The following EVI5 variants were observed in gnomAD, a reference collection of about 807,000 sequenced individuals.
EVI5 encodes ecotropic viral integration site 5, also known as ecotropic viral integration site 5 protein homolog.
In EVI5, 73 loss-of-function variants were observed where a neutral mutation model predicts 112.0. The observed-to-expected ratio is 0.65, with a 90% CI of 0.54 to 0.79. EVI5 has a LOEUF of 0.79. Among genes scored for constraint, EVI5 ranks in the 30% least tolerant of loss-of-function variants. The pLI, the probability that EVI5 is intolerant of heterozygous loss-of-function variation, is 0.00. For missense variants in EVI5, 900 were observed against 968.8 expected (o/e 0.93, Z 0.94); for synonymous variants, 305 against 319.9 (o/e 0.95, Z 0.50).
intron 16 of EVI5, among the ~76,000 whole-genome samples, chr1:92,619,220 C>T (rs1571920279): frequency 2.0e-5 from 3 of 152,166 alleles, no homozygotes; most frequent in Non-Finnish European, 4.4e-5. Flanking sequence ...CTGATGGGCA[C>T]AATCTAATCA....
chr1:92,608,645 A>G (rs1259846193), intron 16 of EVI5, among the ~76,000 whole-genome samples: 1 of 152,044 alleles, frequency 6.6e-6, no homozygotes, highest in African/African-American at 2.4e-5. Flanking sequence ...CAGAGGTTGC[A>G]GTGAGCTGAG....
intron 1 of EVI5, chr1:92,756,010 C>T (rs2102956617): frequency 4.8e-6 from 1 of 208,562 alleles, no homozygotes; most frequent in East Asian, 1.2e-4. Flanking sequence ...TTTACTAGAA[C>T]TATTTATGGA....
intron 18 of EVI5, among the ~76,000 whole-genome samples, chr1:92,568,175 C>T (rs747975884): frequency 3.9e-5 from 6 of 151,922 alleles, no homozygotes; most frequent in Non-Finnish European, 8.8e-5. Flanking sequence ...GAGTTCAAAA[C>T]CAGCCTGGGC....
At chr1:92,783,371 C>CG (rs767775200) in intron 1 of EVI5, among the ~76,000 whole-genome samples, 6 of 136,366 alleles carry the variant, frequency 4.4e-5, no homozygotes, top group Admixed American at 1.5e-4. Context: ...ACTAAAAATA[C>CG]AAAAAAAAAA....
In EVI5 at chr1:92,513,653, T is replaced by A; in HGVS notation, c.*3A>T. ...AAATCCATAGTCTAGGTCACAGTGA[T>A]GGTCAGACAGTGGTTGAATACGACT... is the stretch of plus-strand genomic sequence containing the variant. On this transcript the variant is annotated 3_prime_UTR_variant, in exon 20 of 20. Transcript: ENST00000684568. 6.3e-7 allele frequency: 1 copy of A among 1,589,000 alleles called. No homozygotes were observed. The highest frequency in any genetic ancestry group is 8.6e-7 in the Non-Finnish European group (1 of 1,165,218).
At chr1:92,741,066 C>T (rs1342075563) in intron 1 of EVI5, among the ~76,000 whole-genome samples, 2 of 152,184 alleles carry the variant, frequency 1.3e-5, no homozygotes, top group Non-Finnish European at 2.9e-5. Flanking sequence ...GCATTTAAAT[C>T]GCACCAGGTA....
chr1:92,750,796 T>C (rs947507327), intron 1 of EVI5, among the ~76,000 whole-genome samples: 3 of 152,200 alleles, frequency 2.0e-5, no homozygotes, highest in Non-Finnish European at 2.9e-5. Context: ...ATCCATATCA[T>C]CAACCTTGCC....
At chr1:92,526,493 T>C (rs1053373373) in intron 19 of EVI5, among the ~76,000 whole-genome samples, 5 of 152,222 alleles carry the variant, frequency 3.3e-5, no homozygotes, top group East Asian at 3.8e-4. Context: ...AGCAGTTTAA[T>C]GAAGAGCTGT....
At chr1:92,547,831 G>A (rs1666040207) in intron 19 of EVI5, among the ~76,000 whole-genome samples, 1 of 152,122 alleles carries the variant, frequency 6.6e-6, no homozygotes, top group African/African-American at 2.4e-5. Context: ...CCAATAACAG[G>A]CTCTGAAATT....
At chr1:92,582,893 A>C (rs1185430243) in intron 18 of EVI5, among the ~76,000 whole-genome samples, 1 of 152,190 alleles carries the variant, frequency 6.6e-6, no homozygotes, top group African/African-American at 2.4e-5. Flanking sequence ...GCCCTTTACT[A>C]TCTCCTGAAG....
intron 13 of EVI5, among the ~76,000 whole-genome samples, chr1:92,653,274 G>A (rs1170349048): frequency 6.6e-6 from 1 of 152,160 alleles, no homozygotes; most frequent in Non-Finnish European, 1.5e-5. Context: ...CTGGACCCAG[G>A]GAGCTGCAGG....
intron 19 of EVI5, among the ~76,000 whole-genome samples, chr1:92,561,608 C>CCTAT (rs80355191): frequency 0.067 from 8,813 of 132,030 alleles, 322 homozygotes; most frequent in East Asian, 0.12. Flanking sequence ...TCTAATCTAT[C>CCTAT]CTATCTATCT....
At chr1:92,692,547 T>C (rs72724574) in intron 9 of EVI5, among the ~76,000 whole-genome samples, 29,988 of 152,116 alleles carry the variant, frequency 0.2, 3,489 homozygotes, top group Non-Finnish European at 0.26. Flanking sequence ...TTTTGTCAAT[T>C]AGAGCTAACT....
At chr1:92,738,365 GGAA>G (rs1052797054) in intron 1 of EVI5, among the ~76,000 whole-genome samples, 2 of 151,728 alleles carry the variant, frequency 1.3e-5, no homozygotes, top group African/African-American at 2.4e-5. Flanking sequence ...ACAGAAAAAC[GGAA>G]GAAAACCTAA....
chr1:92,529,546 A>C (rs1662488196), intron 19 of EVI5, among the ~76,000 whole-genome samples: 1 of 152,236 alleles, frequency 6.6e-6, no homozygotes, highest in South Asian at 2.1e-4. Flanking sequence ...TATAAAAATA[A>C]ATATTTGTCA....
chr1:92,522,373 C>T (rs1033890501), intron 19 of EVI5, among the ~76,000 whole-genome samples: 25 of 152,062 alleles, frequency 1.6e-4, no homozygotes, highest in African/African-American at 5.6e-4. Context: ...CGTGGTGGCT[C>T]GTGCCTGTAA....
At chr1:92,547,593 C>T (rs1429242170) in intron 19 of EVI5, among the ~76,000 whole-genome samples, 1 of 152,088 alleles carries the variant, frequency 6.6e-6, no homozygotes, top group Non-Finnish European at 1.5e-5. Context: ...AATAGATAGA[C>T]CGCTAGCAAG....
rs547931755 is a variant in EVI5, at chr1:92,686,968, G to A, written c.1097+6834C>T. On this transcript the variant is annotated intron_variant, in intron 9 of 19. Transcript: ENST00000684568. The stretch of plus-strand genomic sequence containing the variant: ...TCATGAAAATGGCCATACTGCCCAA[G>A]GTAATTTATAGATTAAATGCCATCC... 1.2e-3 allele frequency among the ~76,000 whole-genome samples: 187 copies of A among 152,260 alleles called. 1 individual carries two copies. The highest frequency in any genetic ancestry group is 4.4e-3 in the African/African-American group (184 of 41,558).
At position 92,697,950 on chromosome 1, in the gene EVI5, T is replaced by C; in HGVS notation, c.675A>G (p.Lys225=). 1 of 1,612,856 alleles carries C rather than the reference T, an allele frequency of 6.2e-7. No individual in the cohort carries two copies. Among genetic ancestry groups the C allele is most frequent in the Non-Finnish European group, 8.5e-7 (1 of 1,179,334 alleles). ...CACGAAGTCTATAATCTTGCATTAA[T>C]TTAACAAATACACAGAAAGCTTCTT... ...PEEEAFCVFV[K]LMQDYRLREL... Residue 225 remains lysine, a synonymous_variant, in exon 6 of 20, where the codon AAA becomes AAG. Transcript: ENST00000684568.
Sources: allele counts gnomAD v4.1 joint callset (sites outside exome capture counted in the v4.1 genomes callset), GRCh38; gene constraint gnomAD v4.1.1; transcripts MANE v1.5; gene names NCBI Gene and HGNC (gene_info 2026-07-23, HGNC 2026-07-21).